ABCC1: variants seen among roughly 807,000 people sequenced by gnomAD.
ABCC1 encodes the protein ATP binding cassette subfamily C member 1 (ABCC1 blood group), also known as multidrug resistance-associated protein 1.
In ABCC1, 83 loss-of-function variants were observed where a neutral mutation model predicts 172.9. The observed-to-expected ratio is 0.48, with a 90% CI of 0.40 to 0.58. The LOEUF is 0.58. Ranked by LOEUF, ABCC1 falls within the 20% of genes least tolerant of loss-of-function variation. The pLI, the probability that ABCC1 is intolerant of heterozygous loss-of-function variation, is 0.00. For synonymous variants in ABCC1, 937 were observed against 825.2 expected, an observed-to-expected ratio of 1.14 and a Z score of -2.32; for missense variants, 1,817 against 2,002.7, an observed-to-expected ratio of 0.91 and a Z score of 1.77.
chr16:16,048,908 G>A (rs1162226818), intron 10 of ABCC1, among the ~76,000 whole-genome samples: 1 of 152,050 alleles, frequency 6.6e-6, no homozygotes, highest in Non-Finnish European at 1.5e-5. Context: ...GCTTGAACCT[G>A]GAAGGCGGAG....
chr16:16,131,726 G>A (rs1159302515), intron 26 of ABCC1, 63 bp from the exon 27 acceptor site: 1 of 1,572,584 alleles, frequency 6.4e-7, no homozygotes, highest in South Asian at 1.2e-5. Flanking sequence ...GGAGGTCAGG[G>A]GAGTCACAGC....
intron 1 of ABCC1, among the ~76,000 whole-genome samples, chr16:15,995,812 C>T (rs781337921): frequency 6.6e-6 from 1 of 151,576 alleles, no homozygotes; most frequent in Non-Finnish European, 1.5e-5. Flanking sequence ...GGACTAAAGG[C>T]AAACGTCATC....
intron 23 of ABCC1, 34 bp downstream of exon 23, chr16:16,115,110 C>T (rs2152095594): frequency 6.3e-7 from 1 of 1,598,876 alleles, no homozygotes; most frequent in South Asian, 1.1e-5. Context: ...CGGGACAAGC[C>T]CTACTGTGCA....
chr16:15,992,901 C>A (rs1369006297), intron 1 of ABCC1, among the ~76,000 whole-genome samples: 2 of 152,136 alleles, frequency 1.3e-5, no homozygotes, highest in Non-Finnish European at 2.9e-5. Flanking sequence ...TCCCCCCACC[C>A]CACCCCACTG....
At chr16:16,083,141 T>C (rs982236593) in intron 16 of ABCC1, among the ~76,000 whole-genome samples, 1 of 152,224 alleles carries the variant, frequency 6.6e-6, no homozygotes, top group African/African-American at 2.4e-5. Flanking sequence ...TATCAACTCT[T>C]TGACTCCTGA....
chr16:16,033,088 C>G (rs2048612741), intron 5 of ABCC1, 21 bp from the exon 6 acceptor site: 1 of 1,612,860 alleles, frequency 6.2e-7, no homozygotes, highest in Non-Finnish European at 8.5e-7. Flanking sequence ...TCCTCCCAAA[C>G]CTGTGCTTTC....
chr16:16,085,799 C>T (rs940314677), intron 17 of ABCC1, among the ~76,000 whole-genome samples: 3 of 152,146 alleles, frequency 2.0e-5, no homozygotes, highest in East Asian at 1.9e-4. Flanking sequence ...AAAGAAGGCA[C>T]GTGGCTGCCA....
At chr16:16,054,690 C>T (rs577784062) in intron 11 of ABCC1, among the ~76,000 whole-genome samples, 6 of 152,176 alleles carry the variant, frequency 3.9e-5, no homozygotes, top group African/African-American at 1.4e-4. Flanking sequence ...CCGACTCAAC[C>T]CATTTCAGTC....
At chr16:16,031,015 T>C (rs1012880348) in intron 5 of ABCC1, among the ~76,000 whole-genome samples, 24 of 152,120 alleles carry the variant, frequency 1.6e-4, no homozygotes, top group African/African-American at 5.1e-4. Flanking sequence ...ATCCAGCTAA[T>C]TTTTTGTATT....
At chr16:16,044,703 T>G in intron 8 of ABCC1, 23 bp downstream of exon 8, 1 of 1,600,034 alleles carries the variant, frequency 6.2e-7, no homozygotes, top group South Asian at 1.1e-5. Context: ...CCCTCCCAGG[T>G]GGGCTCCATT....
At chr16:15,993,206 G>T (rs1413129795) in intron 1 of ABCC1, among the ~76,000 whole-genome samples, 1 of 152,182 alleles carries the variant, frequency 6.6e-6, no homozygotes, top group Non-Finnish European at 1.5e-5. Flanking sequence ...TATAGTAGGT[G>T]CTCAATAAAC....
At position 16,134,404 on chromosome 16, in the gene ABCC1, T is replaced by C; in HGVS notation, c.4021T>C (p.Phe1341Leu). Residue 1341 changes from phenylalanine to leucine, a missense_variant, in exon 28 of 31, where the codon TTT (phenylalanine) becomes CTT (leucine). Coordinates refer to ENST00000399410, the MANE Select transcript of ABCC1 (RefSeq NM_004996.4). ...GAAGTCGTCCCTGACCCTGGGCTTATTTCGGATCAACGAGTCTGCCGAAGG... is the reference window on the plus strand; with the variant it reads ...GAAGTCGTCCCTGACCCTGGGCTTACTTCGGATCAACGAGTCTGCCGAAGG... ...AGKSSLTLGL[F>L]RINESAEGEI... The C allele has an allele frequency of 6.2e-7, 1 of 1,614,066 alleles. No homozygotes were observed.
chr16:16,067,208 C>T (rs1897873557), intron 12 of ABCC1, among the ~76,000 whole-genome samples: 1 of 152,156 alleles, frequency 6.6e-6, no homozygotes. Context: ...CATGATTGCA[C>T]CACTGCACCC....
chr16:16,004,713 G>GGT (rs2047458872), intron 1 of ABCC1, among the ~76,000 whole-genome samples: 1 of 145,552 alleles, frequency 6.9e-6, no homozygotes, highest in South Asian at 2.1e-4. Flanking sequence ...GGAGTGCAGT[G>GGT]GTGCAGTCTC....
intron 14 of ABCC1, 151 bp downstream of exon 14, chr16:16,071,880 C>T: frequency 1.4e-6 from 1 of 691,076 alleles, no homozygotes; most frequent in Non-Finnish European, 2.5e-6. Flanking sequence ...AAGGGTTCTG[C>T]AGAGCCTGCA....
chr16:15,988,360 T>C (rs1041408430), intron 1 of ABCC1, among the ~76,000 whole-genome samples: 1 of 152,210 alleles, frequency 6.6e-6, no homozygotes, highest in Non-Finnish European at 1.5e-5. Flanking sequence ...GGCCGGCCCT[T>C]GGTCCCTATT....
intron 13 of ABCC1, among the ~76,000 whole-genome samples, chr16:16,068,830 T>A (rs1257778958): frequency 6.6e-6 from 1 of 151,428 alleles, no homozygotes; most frequent in Non-Finnish European, 1.5e-5. Context: ...CTACTAAAAA[T>A]ACAAAAATTA....
intron 19 of ABCC1, among the ~76,000 whole-genome samples, chr16:16,101,280 C>T (rs1417705230): frequency 1.3e-5 from 2 of 152,082 alleles, no homozygotes; most frequent in Admixed American, 6.6e-5. Flanking sequence ...GCGATCTGCC[C>T]GCCTCGGCCT....
chr16:15,977,127 A>G (rs2046513328), intron 1 of ABCC1, among the ~76,000 whole-genome samples: 3 of 152,084 alleles, frequency 2.0e-5, no homozygotes, highest in African/African-American at 7.2e-5. Context: ...AGTGGTGGAG[A>G]CTGGGGTGTC....
Sources: gnomAD v4.1 joint callset for allele counts (sites outside exome capture counted in the v4.1 genomes callset) on GRCh38, gnomAD v4.1.1 for gene constraint, MANE v1.5 for transcripts, NCBI Gene and HGNC (gene_info 2026-07-23, HGNC 2026-07-21) for gene names.